DMD: variants seen among roughly 807,000 people sequenced by gnomAD.
DMD encodes the protein mutant dystrophin.
In DMD, 63 loss-of-function variants were observed where a neutral mutation model predicts 330.1. The ratio of observed to expected loss-of-function variants is 0.19; its 90% CI spans 0.16 to 0.24. The LOEUF (loss-of-function observed/expected upper bound fraction) is 0.24, where lower values mean the gene tolerates loss of function less well. Ranked by LOEUF, DMD falls within the 10% of genes least tolerant of loss-of-function variation. The pLI is 1.00. For synonymous variants in DMD, 1,223 were observed against 959.8 expected (o/e 1.27, Z -5.07); for missense variants, 3,344 against 2,684.1 (o/e 1.25, Z -5.43).
At chrX:32,470,215 A>AG (rs1054347948) in intron 22 of DMD, among the ~76,000 whole-genome samples, 1 of 110,998 alleles carries the variant, frequency 9.0e-6, no homozygotes, top group Non-Finnish European at 1.9e-5. Context: ...ACCTTACTCA[A>AG]GACTTTCTTC....
chrX:33,162,279 A>G (rs755853952), intron 1 of DMD, among the ~76,000 whole-genome samples: 2 of 112,102 alleles, frequency 1.8e-5, no homozygotes, highest in Non-Finnish European at 3.8e-5. Flanking sequence ...ATCAAATACC[A>G]ATTTAATAAT....
intron 17 of DMD, among the ~76,000 whole-genome samples, chrX:32,535,673 C>A (rs112006793): frequency 1.1e-4 from 12 of 111,465 alleles, no homozygotes; most frequent in African/African-American, 3.9e-4. Context: ...CCATCCCCTG[C>A]GCTGCGTCTC....
intron 51 of DMD, among the ~76,000 whole-genome samples, chrX:31,773,494 C>T (rs756264399): frequency 9.0e-6 from 1 of 111,267 alleles, no homozygotes; most frequent in East Asian, 2.8e-4. Context: ...TTTCAATTAT[C>T]CTTATCATTG....
chrX:33,183,103 C>T (rs1003864129), intron 1 of DMD, among the ~76,000 whole-genome samples: 1 of 111,505 alleles, frequency 9.0e-6, no homozygotes, highest in African/African-American at 3.3e-5. Context: ...TTCCTAATTT[C>T]AAAACTATTT....
At chrX:31,273,746 A>C (rs1478907571) in intron 62 of DMD, among the ~76,000 whole-genome samples, 1 of 111,628 alleles carries the variant, frequency 9.0e-6, no homozygotes, top group East Asian at 2.8e-4. Flanking sequence ...AATCTTCAGC[A>C]AGCGTAGCTG....
intron 2 of DMD, among the ~76,000 whole-genome samples, chrX:32,879,501 T>C (rs2083700923): frequency 8.9e-6 from 1 of 112,331 alleles, no homozygotes; most frequent in African/African-American, 3.2e-5. Context: ...CCATTAATAT[T>C]TGTCTTTTTT....
chrX:32,144,009 C>G (rs1046738626), intron 44 of DMD, among the ~76,000 whole-genome samples: 3 of 111,489 alleles, frequency 2.7e-5, no homozygotes, highest in Non-Finnish European at 5.6e-5. Flanking sequence ...AAGACTTGCC[C>G]ATCTCCCACA....
intron 11 of DMD, among the ~76,000 whole-genome samples, chrX:32,633,460 A>T: frequency 8.9e-6 from 1 of 112,040 alleles, no homozygotes; most frequent in Middle Eastern, 4.6e-3. Context: ...TCTCTAAGAC[A>T]TTCCAAATTT....
At chrX:32,985,973 T>C (rs1226321200) in intron 2 of DMD, among the ~76,000 whole-genome samples, 3 of 111,639 alleles carry the variant, frequency 2.7e-5, no homozygotes, top group African/African-American at 9.8e-5. Context: ...GGAACATGCA[T>C]CTTTCCTCTA....
At chrX:32,899,096 A>G (rs2085987557) in intron 2 of DMD, among the ~76,000 whole-genome samples, 2 of 112,101 alleles carry the variant, frequency 1.8e-5, no homozygotes, top group Admixed American at 1.9e-4. Flanking sequence ...ATATATGGCC[A>G]AAAATAGCTC....
intron 1 of DMD, among the ~76,000 whole-genome samples, chrX:33,274,610 T>C (rs950226254): frequency 6.2e-5 from 7 of 112,220 alleles, no homozygotes; most frequent in African/African-American, 2.3e-4. Flanking sequence ...TAAGGTTCTG[T>C]TGTTTGAGTC....
intron 50 of DMD, among the ~76,000 whole-genome samples, chrX:31,802,586 G>A (rs1453331591): frequency 9.0e-6 from 1 of 111,618 alleles, no homozygotes; most frequent in Non-Finnish European, 1.9e-5. Flanking sequence ...TCCAGCAGGG[G>A]TGAGGTGGGA....
chrX:31,367,413 G>A (rs903496927), intron 60 of DMD, among the ~76,000 whole-genome samples: 3 of 110,589 alleles, frequency 2.7e-5, no homozygotes, highest in Non-Finnish European at 5.7e-5. Context: ...CTACATGCTC[G>A]AGGAAGGATT....
At chrX:33,208,760 T>A (rs2051721661) in intron 1 of DMD, among the ~76,000 whole-genome samples, 1 of 110,476 alleles carries the variant, frequency 9.1e-6, no homozygotes, top group African/African-American at 3.3e-5. Flanking sequence ...AAATAAAGAG[T>A]TGATGAAAAA....
chrX:32,717,215 C>G (rs750234956), intron 7 of DMD, among the ~76,000 whole-genome samples: 7 of 111,387 alleles, frequency 6.3e-5, no homozygotes, highest in African/African-American at 1.6e-4. Context: ...CCCTTTGCAG[C>G]AGCCCCTCCT....
chrX:32,973,254 A>G (rs755133969), intron 2 of DMD, among the ~76,000 whole-genome samples: 2 of 112,302 alleles, frequency 1.8e-5, no homozygotes, highest in East Asian at 5.6e-4. Flanking sequence ...ATTTGTAATT[A>G]TATACTTTTA....
At chrX:32,518,997 C>CTTTTTTT (rs56678455) in intron 17 of DMD, among the ~76,000 whole-genome samples, 1 of 42,078 alleles carries the variant, frequency 2.4e-5, no homozygotes, top group African/African-American at 9.7e-5. Flanking sequence ...ATTTTCAAAC[C>CTTTTTTT]TTTTTTTTTT....
chrX:33,018,166 C>G (rs1235413008), intron 2 of DMD, among the ~76,000 whole-genome samples: 2 of 111,617 alleles, frequency 1.8e-5, no homozygotes, highest in African/African-American at 3.2e-5. Flanking sequence ...TCTCCTCTGT[C>G]TTTGTAAACT....
At chrX:32,837,432 G>A (rs2079749038) in intron 4 of DMD, among the ~76,000 whole-genome samples, 1 of 111,359 alleles carries the variant, frequency 9.0e-6, no homozygotes, top group Admixed American at 9.6e-5. Context: ...TAGATACCTA[G>A]GGGCTCAGTT....
Sources: allele counts gnomAD v4.1 joint callset (sites outside exome capture counted in the v4.1 genomes callset), GRCh38; gene constraint gnomAD v4.1.1; transcripts MANE v1.5; gene names NCBI Gene and HGNC (gene_info 2026-07-23, HGNC 2026-07-21).